NAALADL2: variants seen among roughly 807,000 people sequenced by gnomAD.
NAALADL2 encodes inactive N-acetylated-alpha-linked acidic dipeptidase-like protein 2.
A neutral mutation model predicts 87.2 loss-of-function variants in NAALADL2; 76 were observed. The ratio of observed to expected loss-of-function variants is 0.87; its 90% confidence interval spans 0.72 to 1.05. NAALADL2 has a LOEUF of 1.05. Ranked by LOEUF, NAALADL2 falls within the 50% of genes least tolerant of loss-of-function variation. The pLI is 0.00. For missense variants in NAALADL2, 1,089 were observed against 945.8 expected, an observed-to-expected ratio of 1.15 and a Z score of -1.99; for synonymous variants, 354 against 331.0, an observed-to-expected ratio of 1.07 and a Z score of -0.75.
At position 175,533,296 on chromosome 3, in the gene NAALADL2, C is replaced by T. The variant is rs1022848103; in HGVS notation, c.1654-42745C>T. Among the ~76,000 whole-genome samples, 4 of 152,230 alleles carry T rather than the reference C, an allele frequency of 2.6e-5. No individual in the cohort carries two copies. The East Asian group carries it at 7.7e-4, about 29-fold the overall frequency. ...TATTTTCAAGTGTAGCACATCTCCT[C>T]ATGGGTCACACAATCACCCTTGCCC... On this transcript the variant is annotated intron_variant, in intron 9 of 13. Coordinates refer to ENST00000454872, the MANE Select transcript of NAALADL2 (RefSeq NM_207015.3).
chr3:175,371,680 C>T (rs1766523891), intron 5 of NAALADL2, among the ~76,000 whole-genome samples: 2 of 151,000 alleles, frequency 1.3e-5, no homozygotes, highest in African/African-American at 2.4e-5. Context: ...CAAAAATTAG[C>T]TGGGTGTGGT....
intron 2 of NAALADL2, among the ~76,000 whole-genome samples, chr3:175,226,499 A>G (rs1050214988): frequency 6.6e-6 from 1 of 152,100 alleles, no homozygotes; most frequent in Non-Finnish European, 1.5e-5. Context: ...ATAGCACGGT[A>G]TAGTGGAAAT....
chr3:175,037,102 G>T (rs1357740156), intron 1 of NAALADL2, among the ~76,000 whole-genome samples: 2 of 152,052 alleles, frequency 1.3e-5, no homozygotes, highest in East Asian at 3.9e-4. Flanking sequence ...AAGGCTAAAA[G>T]ATTCTGCCAG....
intron 1 of NAALADL2, among the ~76,000 whole-genome samples, chr3:175,092,694 G>C (rs896979543): frequency 6.6e-6 from 1 of 151,676 alleles, no homozygotes; most frequent in Non-Finnish European, 1.5e-5. Context: ...ATTAATCTAA[G>C]TCTGTCACAG....
chr3:174,804,225 G>C (rs1719192684), intron 3 of NAALADL2, among the ~76,000 whole-genome samples: 1 of 152,046 alleles, frequency 6.6e-6, no homozygotes, highest in Non-Finnish European at 1.5e-5. Flanking sequence ...TATTATCTTT[G>C]TAGTAATTGT....
At chr3:175,351,352 G>A (rs1290847047) in intron 5 of NAALADL2, among the ~76,000 whole-genome samples, 2 of 151,874 alleles carry the variant, frequency 1.3e-5, no homozygotes, top group African/African-American at 4.8e-5. Context: ...ATATATATGT[G>A]TAATTTTAGT....
At chr3:174,867,683 G>A (rs1459682292) in intron 1 of NAALADL2, among the ~76,000 whole-genome samples, 2 of 151,964 alleles carry the variant, frequency 1.3e-5, no homozygotes, top group Non-Finnish European at 2.9e-5. Context: ...AATTAGTTGA[G>A]CATAAAGTAG....
chr3:174,585,861 TA>T (rs1716655925), intron 2 of NAALADL2, among the ~76,000 whole-genome samples: 1 of 152,198 alleles, frequency 6.6e-6, no homozygotes, highest in South Asian at 2.1e-4. Context: ...TGCCTACTTT[TA>T]AATGTTGGCC....
intron 1 of NAALADL2, among the ~76,000 whole-genome samples, chr3:174,975,809 T>C (rs1218251082): frequency 1.3e-5 from 2 of 152,152 alleles, no homozygotes; most frequent in Non-Finnish European, 2.9e-5. Flanking sequence ...TAGCAAAACA[T>C]TGAAGACCTC....
intron 13 of NAALADL2, among the ~76,000 whole-genome samples, chr3:175,772,931 C>T (rs1191410926): frequency 1.3e-5 from 2 of 152,090 alleles, no homozygotes; most frequent in Admixed American, 1.3e-4. Flanking sequence ...ATATCTTCAA[C>T]AATAACTGCC....
chr3:175,053,822 C>T (rs1711522885), intron 1 of NAALADL2, among the ~76,000 whole-genome samples: 1 of 152,186 alleles, frequency 6.6e-6, no homozygotes, highest in Non-Finnish European at 1.5e-5. Flanking sequence ...CCAGGTAATG[C>T]TGTATCTGCA....
At chr3:174,821,738 G>A (rs1049020880) in intron 3 of NAALADL2, among the ~76,000 whole-genome samples, 8 of 152,124 alleles carry the variant, frequency 5.3e-5, no homozygotes, top group Non-Finnish European at 1.5e-5. Context: ...CCTGGGCAGG[G>A]AGCCAATTAT....
chr3:175,183,520 A>G (rs1736907018), intron 2 of NAALADL2, among the ~76,000 whole-genome samples: 1 of 151,886 alleles, frequency 6.6e-6, no homozygotes, highest in Admixed American at 6.6e-5. Flanking sequence ...TTCTATATCT[A>G]ATTTGTTGAG....
intron 10 of NAALADL2, among the ~76,000 whole-genome samples, chr3:175,618,396 C>A (rs976343968): frequency 6.6e-6 from 1 of 152,154 alleles, no homozygotes; most frequent in African/African-American, 2.4e-5. Context: ...AGGAGTAGGA[C>A]CAAAGGGAAC....
At chr3:175,170,199 A>T (rs1256171560) in intron 2 of NAALADL2, among the ~76,000 whole-genome samples, 1 of 151,702 alleles carries the variant, frequency 6.6e-6, no homozygotes. Flanking sequence ...TTAGAATAAC[A>T]ATTGCAAAAT....
At chr3:175,372,221 A>T (rs1417309731) in intron 5 of NAALADL2, among the ~76,000 whole-genome samples, 1 of 152,124 alleles carries the variant, frequency 6.6e-6, no homozygotes, top group Non-Finnish European at 1.5e-5. Flanking sequence ...CAGTTTTTGT[A>T]AAGCTCCATC....
chr3:174,537,317 A>G (rs1721812663), intron 1 of NAALADL2, among the ~76,000 whole-genome samples: 1 of 152,212 alleles, frequency 6.6e-6, no homozygotes, highest in Admixed American at 6.5e-5. Flanking sequence ...ATACTGTAAG[A>G]GATTTTAATC....
At chr3:174,465,313 G>A (rs1160217860) in intron 1 of NAALADL2, among the ~76,000 whole-genome samples, 6 of 152,110 alleles carry the variant, frequency 3.9e-5, no homozygotes, top group Non-Finnish European at 7.4e-5. Flanking sequence ...AAATTTGCTA[G>A]TGATTGTCTC....
At chr3:175,468,776 A>C (rs1724455113) in intron 8 of NAALADL2, among the ~76,000 whole-genome samples, 1 of 152,060 alleles carries the variant, frequency 6.6e-6, no homozygotes. Flanking sequence ...GCAAAATTTT[A>C]TTAAAAAGTT....
Sources: gnomAD v4.1 joint callset for allele counts (sites outside exome capture counted in the v4.1 genomes callset) on GRCh38, gnomAD v4.1.1 for gene constraint, MANE v1.5 for transcripts, NCBI Gene and HGNC (gene_info 2026-07-23, HGNC 2026-07-21) for gene names.